The following HHAT variants were observed in gnomAD, a reference collection of about 807,000 sequenced individuals.
HHAT encodes the protein protein-cysteine N-palmitoyltransferase HHAT.
In HHAT, 47 loss-of-function variants were observed where a neutral mutation model predicts 70.8. The observed-to-expected ratio is 0.66, with a 90% CI of 0.53 to 0.85. The LOEUF is 0.85. Among genes scored for constraint, HHAT ranks in the 40% least tolerant of loss-of-function variants. The pLI is 0.00. For synonymous variants in HHAT, 228 were observed against 247.6 expected, an observed-to-expected ratio of 0.92 and a Z score of 0.74; for missense variants, 609 against 604.8, an observed-to-expected ratio of 1.01 and a Z score of -0.07.
chr1:210,629,945 G>A (rs1185451994), intron 11 of HHAT, among the ~76,000 whole-genome samples: 1 of 151,744 alleles, frequency 6.6e-6, no homozygotes, highest in Non-Finnish European at 1.5e-5. Context: ...GGGGTTCAAG[G>A]TATTCTCCTG....
intron 3 of HHAT, among the ~76,000 whole-genome samples, chr1:210,380,500 A>G (rs1169010665): frequency 2.6e-5 from 4 of 152,198 alleles, no homozygotes; most frequent in Admixed American, 2.0e-4. Context: ...AGATCATGCC[A>G]CTGCACTCCA....
At chr1:210,482,227 C>A (rs2094407925) in intron 8 of HHAT, among the ~76,000 whole-genome samples, 1 of 152,154 alleles carries the variant, frequency 6.6e-6, no homozygotes, top group Admixed American at 6.5e-5. Context: ...TCTGTACCTC[C>A]TGGTCCCCAA....
intron 11 of HHAT, among the ~76,000 whole-genome samples, chr1:210,645,810 C>CA (rs1291497050): frequency 6.6e-6 from 1 of 152,224 alleles, no homozygotes; most frequent in African/African-American, 2.4e-5. Flanking sequence ...CTGAGGCCTG[C>CA]ATCTGAGACT....
At chr1:210,352,717 C>T (rs901239271) in intron 2 of HHAT, among the ~76,000 whole-genome samples, 1 of 152,022 alleles carries the variant, frequency 6.6e-6, no homozygotes, top group Non-Finnish European at 1.5e-5. Context: ...TCAGCAAATC[C>T]ACAGCAGGGA....
intron 1 of HHAT, among the ~76,000 whole-genome samples, chr1:210,336,997 A>G (rs2085560291): frequency 1.3e-5 from 2 of 152,320 alleles, no homozygotes; most frequent in South Asian, 4.1e-4. Flanking sequence ...ATATCACATC[A>G]GTAGCTTTTT....
chr1:210,658,316 C>G (rs1676892299), intron 11 of HHAT, among the ~76,000 whole-genome samples: 1 of 152,110 alleles, frequency 6.6e-6, no homozygotes, highest in East Asian at 1.9e-4. Context: ...CCTGAGGGTG[C>G]TCAGACCTCT....
chr1:210,447,562 G>A lies in HHAT; in HGVS notation c.857-16943G>A, dbSNP rs141428450. The stretch of plus-strand genomic sequence containing the variant: ...AGGAAACATCCAAAAGGCAAATCCT[G>A]ACAATTCCCAGTCAAGCATTGGCTG... On this transcript the variant is annotated intron_variant, in intron 7 of 11. Coordinates refer to ENST00000261458, the MANE Select transcript of HHAT (RefSeq NM_018194.6). 2.6e-3 allele frequency among the ~76,000 whole-genome samples: 391 copies of A among 152,328 alleles called. 10 individuals are homozygous for A. The South Asian group carries it at 0.058, about 23-fold the overall frequency.
chr1:210,521,364 C>G (rs1402504966), intron 9 of HHAT, among the ~76,000 whole-genome samples: 1 of 152,120 alleles, frequency 6.6e-6, no homozygotes, highest in African/African-American at 2.4e-5. Context: ...TGGTGGCTTG[C>G]TGAATTCTGA....
intron 7 of HHAT, among the ~76,000 whole-genome samples, chr1:210,428,220 T>A (rs960985119): frequency 2.0e-5 from 3 of 147,878 alleles, no homozygotes; most frequent in Non-Finnish European, 4.5e-5. Context: ...TACTTGTCCT[T>A]CCACATCATT....
chr1:210,664,267 G>GA (rs1285094662), intron 11 of HHAT, among the ~76,000 whole-genome samples: 3 of 152,196 alleles, frequency 2.0e-5, no homozygotes, highest in African/African-American at 7.2e-5. Context: ...GCCATTTGAT[G>GA]AATGACTCCA....
At position 210,564,119 on chromosome 1, in the gene HHAT, AT is replaced by A. The variant is rs34490631; in HGVS notation, c.1044-23764del. On this transcript the variant is annotated intron_variant, in intron 9 of 11. Coordinates refer to ENST00000261458, the MANE Select transcript of HHAT (RefSeq NM_018194.6). ...CAGGAACGTACCACCATGCCCAACTATTTTTTTTTTTTTTTGTATTTTTAGT... is the reference window on the plus strand; with the variant it reads ...CAGGAACGTACCACCATGCCCAACTATTTTTTTTTTTTTTGTATTTTTAGT... Among the ~76,000 whole-genome samples the A allele has an allele frequency of 9.2e-3, 1,319 of 142,982 alleles. 11 individuals are homozygous for A. The highest frequency in any genetic ancestry group is 0.029 in the African/African-American group (1,116 of 38,716). The allele number at this position is 142,982 out of a possible 152,430, so 93.8% of individuals were successfully genotyped here.
chr1:210,534,195 G>T (rs1007547203), intron 9 of HHAT, among the ~76,000 whole-genome samples: 23 of 152,266 alleles, frequency 1.5e-4, no homozygotes, highest in Non-Finnish European at 7.3e-5. Context: ...TCTGTGAGGG[G>T]CATCCATTCT....
chr1:210,341,154 A>T (rs2086007756), intron 1 of HHAT, among the ~76,000 whole-genome samples: 1 of 152,340 alleles, frequency 6.6e-6, no homozygotes, highest in Non-Finnish European at 1.5e-5. Flanking sequence ...TTAGGACATT[A>T]AGCAGTGAGT....
chr1:210,491,741 T>C (rs1401722134), intron 8 of HHAT, among the ~76,000 whole-genome samples: 2 of 152,030 alleles, frequency 1.3e-5, no homozygotes, highest in African/African-American at 4.8e-5. Flanking sequence ...TAATGGACCA[T>C]ATTTCTTTGT....
At position 210,404,516 on chromosome 1, in the gene HHAT, C is replaced by T. The variant is rs747405504; in HGVS notation, c.521C>T (p.Thr174Ile). The T allele has an allele frequency of 2.5e-6, 4 of 1,613,474 alleles. No homozygotes were observed. Among genetic ancestry groups the T allele is most frequent in the Non-Finnish European group, 3.4e-6 (4 of 1,179,948 alleles). The change falls in exon 6 of 12, where the codon ACC (threonine) becomes ATC (isoleucine). Residue 174 changes from threonine (T) to isoleucine (I), a missense_variant. Transcript: ENST00000261458. ...TACTACCTGCTGCAGTTCACGCTGACCGTTCGCTGCCTGTACTACACCAGC... is the reference window on the plus strand; with the variant it reads ...TACTACCTGCTGCAGTTCACGCTGATCGTTCGCTGCCTGTACTACACCAGC... The part of the protein sequence containing the change: ...NEYYLLQFTL[T>I]VRCLYYTSFS...
intron 2 of HHAT, among the ~76,000 whole-genome samples, chr1:210,359,839 C>T (rs1428744426): frequency 6.6e-6 from 1 of 151,968 alleles, no homozygotes; most frequent in Non-Finnish European, 1.5e-5. Flanking sequence ...TGTACTCCAA[C>T]CTAGGCGACA....
At chr1:210,402,292 T>C (rs1324336155) in intron 5 of HHAT, among the ~76,000 whole-genome samples, 1 of 152,202 alleles carries the variant, frequency 6.6e-6, no homozygotes, top group Non-Finnish European at 1.5e-5. Context: ...TCAGGGGTCA[T>C]ATGCCCAGGG....
At chr1:210,518,969 A>G (rs1401129318) in intron 9 of HHAT, among the ~76,000 whole-genome samples, 1 of 152,228 alleles carries the variant, frequency 6.6e-6, no homozygotes, top group African/African-American at 2.4e-5. Context: ...GAGAGATGGT[A>G]AGCTCTGATT....
intron 9 of HHAT, among the ~76,000 whole-genome samples, chr1:210,540,777 T>G (rs2095422664): frequency 6.6e-6 from 1 of 152,108 alleles, no homozygotes; most frequent in African/African-American, 2.4e-5. Context: ...CCCAAGTAGC[T>G]GGAACTACAG....
Sources: gnomAD v4.1 joint callset for allele counts (sites outside exome capture counted in the v4.1 genomes callset) on GRCh38, gnomAD v4.1.1 for gene constraint, MANE v1.5 for transcripts, NCBI Gene and HGNC (gene_info 2026-07-23, HGNC 2026-07-21) for gene names.